OR56A3: variants seen among roughly 807,000 people sequenced by gnomAD.
The protein encoded by OR56A3 is olfactory receptor 56A3.
Under a neutral mutation model 17.5 loss-of-function variants are expected in OR56A3, and 23 were observed. The ratio of observed to expected loss-of-function variants is 1.32; its 90% CI spans 0.95 to 1.87. The LOEUF is 1.87. Ranked by LOEUF, OR56A3 falls within the 40% of genes most tolerant of loss-of-function variation. OR56A3 has a pLI of 0.00. For missense variants in OR56A3, 366 were observed against 380.1 expected, an observed-to-expected ratio of 0.96 and a Z score of 0.31; for synonymous variants, 175 against 150.6, an observed-to-expected ratio of 1.16 and a Z score of -1.19.
At chr11:5,960,027 G>A in the OR56A3 span, among the ~76,000 whole-genome samples, 1 of 152,082 alleles carries the variant, frequency 6.6e-6, no homozygotes, top group Non-Finnish European at 1.5e-5. Flanking sequence ...TGGTCTATAT[G>A]CCTGTTTTTA....
chr11:6,017,872 T>C, the OR56A3 span, among the ~76,000 whole-genome samples: 2 of 152,186 alleles, frequency 1.3e-5, no homozygotes, highest in African/African-American at 2.4e-5. Context: ...TAGAAAAAGA[T>C]ATTTCATGCA....
At chr11:5,967,727 T>G in the OR56A3 span, 1 of 1,612,144 alleles carries the variant, frequency 6.2e-7, no homozygotes, top group Non-Finnish European at 8.5e-7. Flanking sequence ...CCAGCAGGAC[T>G]GTGGTGAAGA....
chr11:5,948,921 T>C lies in OR56A3; in HGVS notation c.*627T>C, dbSNP rs1847892524. On this transcript the variant is annotated 3_prime_UTR_variant, in exon 3 of 3. Coordinates refer to ENST00000641160, the MANE Select transcript of OR56A3 (RefSeq NM_001003443.3). ...CAAGAGGGCAAGGGTTTTGCCTTGA[T>C]TCCTCATGAGTAACAATTATCAATG... 1 of 152,616 alleles carries C rather than the reference T, an allele frequency of 6.6e-6. No homozygotes were observed. The allele number at this position is 152,616 out of a possible 1,614,324, so 9.5% of individuals were successfully genotyped here. A position where few individuals can be genotyped will look rare whatever the true frequency, so the allele number is the denominator to read the frequency against.
the OR56A3 span, chr11:5,994,790 T>C: frequency 1.3e-6 from 1 of 755,312 alleles, no homozygotes; most frequent in South Asian, 1.3e-5. Flanking sequence ...ATGTCCCCAG[T>C]CTACCTGGGG....
chr11:5,948,212 CA>C lies in OR56A3; in HGVS notation c.867del (p.Ala290ProfsTer9), dbSNP rs1449006368. ...LLNVLHHVIP[A>X]ALNPIIYGVR... ...AATGTTCTCCACCATGTCATTCCTG[CA>C]GCCCTTAACCCCATCATTTACGGGG... On this transcript the variant is annotated frameshift_variant, in exon 3 of 3. Transcript: ENST00000641160. LOFTEE classifies it high-confidence loss of function. 9 of 1,614,124 alleles carry C rather than the reference CA, an allele frequency of 5.6e-6. No individual in the cohort carries two copies. The South Asian group carries it at 9.9e-5, about 18-fold the overall frequency.
chr11:5,974,387 G>A, the OR56A3 span, among the ~76,000 whole-genome samples: 1 of 152,120 alleles, frequency 6.6e-6, no homozygotes, highest in African/African-American at 2.4e-5. Flanking sequence ...TTACAGGCAT[G>A]AGCCACCGCA....
At chr11:6,001,798 T>C in the OR56A3 span, 1 of 397,692 alleles carries the variant, frequency 2.5e-6, no homozygotes, top group Admixed American at 4.1e-5. Context: ...CAAGATTCTT[T>C]GTTGCAGATT....
chr11:6,021,997 G>A, the OR56A3 span: 1 of 152,192 alleles, frequency 6.6e-6, no homozygotes, highest in African/African-American at 2.4e-5. Context: ...AATGGGATCT[G>A]ATGGAGAAGG....
chr11:5,987,940 TC>T, the OR56A3 span, among the ~76,000 whole-genome samples: 71 of 152,162 alleles, frequency 4.7e-4, no homozygotes, highest in Admixed American at 9.8e-4. Flanking sequence ...AAGATTAAAA[TC>T]CTTTGGTGAA....
the OR56A3 span, among the ~76,000 whole-genome samples, chr11:5,966,983 A>G: frequency 6.6e-6 from 1 of 151,934 alleles, no homozygotes; most frequent in Non-Finnish European, 1.5e-5. Flanking sequence ...AGAAATTCAC[A>G]CTCCAAATAA....
At chr11:5,981,047 G>T in the OR56A3 span, among the ~76,000 whole-genome samples, 1 of 152,078 alleles carries the variant, frequency 6.6e-6, no homozygotes, top group Non-Finnish European at 1.5e-5. Flanking sequence ...AATCTGATGG[G>T]CTTCCTTTTG....
the OR56A3 span, chr11:6,001,860 C>A: frequency 1.8e-6 from 1 of 554,576 alleles, no homozygotes; most frequent in Admixed American, 3.7e-5. Context: ...GGGAGGTTTC[C>A]TTTCAAGCAA....
At chr11:5,974,312 G>A in the OR56A3 span, among the ~76,000 whole-genome samples, 1 of 151,970 alleles carries the variant, frequency 6.6e-6, no homozygotes, top group East Asian at 1.9e-4. Context: ...TCACCATGTT[G>A]GCCAAGCTGG....
chr11:5,967,825 TA>T, the OR56A3 span: 1 of 1,565,686 alleles, frequency 6.4e-7, no homozygotes, highest in Non-Finnish European at 8.7e-7. Context: ...GTTTTCAAGA[TA>T]AAAAAGTAAG....
At chr11:5,957,064 G>A in the OR56A3 span, among the ~76,000 whole-genome samples, 1 of 152,218 alleles carries the variant, frequency 6.6e-6, no homozygotes, top group Non-Finnish European at 1.5e-5. Context: ...TGAGGCAGGA[G>A]AATCGCTTGA....
chr11:5,966,581 T>C, the OR56A3 span, among the ~76,000 whole-genome samples: 1 of 152,108 alleles, frequency 6.6e-6, no homozygotes, highest in Admixed American at 6.6e-5. Flanking sequence ...GTCCTACCTA[T>C]ATACTGATCA....
the OR56A3 span, chr11:5,986,291 G>A: frequency 4.3e-5 from 70 of 1,613,870 alleles, no homozygotes; most frequent in African/African-American, 6.7e-5. Flanking sequence ...CCATAAGCTC[G>A]ATTGACTGTG....
the OR56A3 span, chr11:5,967,787 A>G: frequency 1.3e-6 from 2 of 1,585,204 alleles, no homozygotes; most frequent in African/African-American, 2.7e-5. Flanking sequence ...CTTTGGCCAT[A>G]TCTCCCTCAC....
At position 5,947,731 on chromosome 11, in the gene OR56A3, GC is replaced by G; in HGVS notation, c.387del (p.Ile130SerfsTer5). The stretch of plus-strand genomic sequence containing the variant: ...GGTCATGGCCTATGATCGTTATGTA[GC>G]CATCTGCCACCCACTGAGATATCCA... ...FMVMAYDRYV[A>X]ICHPLRYPSI... On this transcript the variant is annotated frameshift_variant, in exon 3 of 3. Transcript: ENST00000641160. LOFTEE classifies it high-confidence loss of function. The G allele has an allele frequency of 6.2e-7, 1 of 1,614,130 alleles. No individual in the cohort carries two copies. The highest frequency in any genetic ancestry group is 2.2e-5 in the East Asian group (1 of 44,878).
Sources: gnomAD v4.1 joint callset for allele counts (sites outside exome capture counted in the v4.1 genomes callset) on GRCh38, gnomAD v4.1.1 for gene constraint, MANE v1.5 for transcripts, NCBI Gene and HGNC (gene_info 2026-07-23, HGNC 2026-07-21) for gene names.